SYNE1: variants seen among roughly 807,000 people sequenced by gnomAD.
The protein encoded by SYNE1 is spectrin repeat containing nuclear envelope protein 1, also known as nesprin-1.
SYNE1 carries 616 observed loss-of-function variants against 1,111.0 expected under a neutral mutation model. That is an observed-to-expected ratio of 0.55 (90% confidence interval 0.52 to 0.59). The LOEUF (loss-of-function observed/expected upper bound fraction) is 0.59, where lower values mean the gene tolerates loss of function less well. Among genes scored for constraint, SYNE1 ranks in the 20% least tolerant of loss-of-function variants. The probability of loss-of-function intolerance (pLI) is 0.00; values close to 1 mark genes in which losing one functional copy is unlikely to be tolerated. For synonymous variants in SYNE1, 3,855 were observed against 3,825.8 expected (o/e 1.01, Z -0.28); for missense variants, 10,006 against 10,417.0 (o/e 0.96, Z 1.72).
Position 152,219,065 on chromosome 6 carries a change from A to G in SYNE1, c.21982T>C (p.Ser7328Pro), listed in dbSNP as rs2079442814. The G allele has an allele frequency of 6.2e-7, 1 of 1,614,042 alleles. No homozygotes were observed. Among genetic ancestry groups the G allele is most frequent in the Non-Finnish European group, 8.5e-7 (1 of 1,180,024 alleles). The change falls in exon 120 of 146, where the codon TCT becomes CCT. Residue 7328 changes from serine (S) to proline (P), a missense_variant. This residue lies in a region of SYNE1 where 2,182 missense variants were observed against 2,287.8 expected (regional missense o/e 0.95). Coordinates refer to ENST00000367255, the MANE Select transcript of SYNE1 (RefSeq NM_182961.4). ...AGGGCACACAAGTGTTGACTCAAAGAGAGTTGATCCGATTGAATAGCTGAT... is the reference window on the plus strand; with the variant it reads ...AGGGCACACAAGTGTTGACTCAAAGGGAGTTGATCCGATTGAATAGCTGAT... The part of the protein sequence containing the change: ...AASAIQSDQL[S>P]LSQHLCALEQ...
In SYNE1 at chr6:152,454,879, T is replaced by C. The variant is rs1430277989; in HGVS notation, c.2892+547A>G. Among the ~76,000 whole-genome samples the C allele has an allele frequency of 2.0e-5, 3 of 152,200 alleles. No individual in the cohort carries two copies. The East Asian group carries it at 5.8e-4, about 29-fold the overall frequency. Reference sequence around the variant, plus strand: ...ACTCAAATACATGTTCTCAGAGTGCTGGTTATTTCCATATACCATTCATGA... The same window carrying C: ...ACTCAAATACATGTTCTCAGAGTGCCGGTTATTTCCATATACCATTCATGA... On this transcript the variant is annotated intron_variant, in intron 24 of 145. Transcript: ENST00000367255.
intron 72 of SYNE1, 85 bp from the exon 73 acceptor site, chr6:152,347,320 T>A (rs1321918300): frequency 1.4e-6 from 2 of 1,449,456 alleles, no homozygotes; most frequent in Non-Finnish European, 9.5e-7. Flanking sequence ...ATTATTTCAC[T>A]GTTTAATATT....
chr6:152,523,823 A>T (rs545470857), intron 5 of SYNE1, among the ~76,000 whole-genome samples: 1 of 152,086 alleles, frequency 6.6e-6, no homozygotes, highest in Non-Finnish European at 1.5e-5. Flanking sequence ...AAGGAATTGA[A>T]TTACTGATAC....
intron 14 of SYNE1, among the ~76,000 whole-genome samples, 194 bp downstream of exon 14, chr6:152,482,891 C>G (rs1230063591): frequency 1.3e-5 from 2 of 152,162 alleles, no homozygotes; most frequent in African/African-American, 4.8e-5. Flanking sequence ...CTCAGGAAGT[C>G]AACCCACTGG....
chr6:152,459,436 C>T (rs989608180), intron 21 of SYNE1, among the ~76,000 whole-genome samples: 15 of 152,166 alleles, frequency 9.9e-5, no homozygotes, highest in African/African-American at 3.6e-4. Context: ...CCTGTGCTTT[C>T]CTGCCTCCCA....
chr6:152,236,886 G>A lies in SYNE1; in HGVS notation c.20130C>T (p.Ser6710=). 3 of 1,614,140 alleles carry A rather than the reference G, an allele frequency of 1.9e-6. No individual in the cohort carries two copies. Among genetic ancestry groups the A allele is most frequent in the Non-Finnish European group, 2.5e-6 (3 of 1,180,018 alleles). ...ELSRQLEVVE[S]SIPSVGLVEE... ...CCACCAGACCCACGCTTGGGATGCT[G>A]CTTTCCACCACCTCCAGCTGTCTGC... The change falls in exon 109 of 146, where the codon AGC becomes AGT. Residue 6710 remains serine, a synonymous_variant. Transcript: ENST00000367255.
chr6:152,151,990 T>C lies in SYNE1; in HGVS notation c.24281A>G (p.Lys8094Arg). The change falls in exon 134 of 146, where the codon AAG (lysine) becomes AGG (arginine). Residue 8094 changes from lysine to arginine, a missense_variant. Lys to Arg is a conservative substitution (Grantham distance 26). This residue lies in a region of SYNE1 where 2,182 missense variants were observed against 2,287.8 expected (regional missense o/e 0.95). Transcript: ENST00000367255. ...EGNQRWDNLQ[K>R]RVTSILRRLK... Reference sequence around the variant, plus strand: ...TCTGCGCAAGATGGAGGTGACACGCTTTTGCAGGTTGTCCCATCTCTGGTT... The same window carrying C: ...TCTGCGCAAGATGGAGGTGACACGCCTTTGCAGGTTGTCCCATCTCTGGTT... 1 of 1,614,156 alleles carries C rather than the reference T, an allele frequency of 6.2e-7. No individual in the cohort carries two copies. Among genetic ancestry groups the C allele is most frequent in the East Asian group, 2.2e-5 (1 of 44,872 alleles).
At chr6:152,201,974 G>A in intron 126 of SYNE1, 25 bp from the exon 127 acceptor site, 5 of 1,612,748 alleles carry the variant, frequency 3.1e-6, no homozygotes, top group Non-Finnish European at 4.2e-6. Context: ...AAAACAAATA[G>A]CATAGATGTT....
chr6:152,165,649 T>C (rs1023457522), intron 130 of SYNE1, among the ~76,000 whole-genome samples: 2 of 152,222 alleles, frequency 1.3e-5, no homozygotes, highest in South Asian at 4.1e-4. Context: ...TATTGTGACT[T>C]ACAATTCCAC....
intron 97 of SYNE1, among the ~76,000 whole-genome samples, chr6:152,279,407 A>C (rs1340689891): frequency 6.6e-6 from 1 of 152,040 alleles, no homozygotes; most frequent in Non-Finnish European, 1.5e-5. Flanking sequence ...TTCCCTATAC[A>C]AAATCAAAAT....
chr6:152,216,385 T>C (rs1364345094), intron 121 of SYNE1, among the ~76,000 whole-genome samples: 1 of 152,146 alleles, frequency 6.6e-6, no homozygotes, highest in African/African-American at 2.4e-5. Flanking sequence ...AAAACAATAG[T>C]GTGCTATGAA....
At chr6:152,202,935 A>G (rs2075810911) in intron 126 of SYNE1, among the ~76,000 whole-genome samples, 1 of 152,242 alleles carries the variant, frequency 6.6e-6, no homozygotes, top group African/African-American at 2.4e-5. Flanking sequence ...ATGTAGAAGA[A>G]GAGAGATAAT....
intron 75 of SYNE1, among the ~76,000 whole-genome samples, chr6:152,339,008 C>T (rs1001595781): frequency 2.6e-5 from 4 of 152,086 alleles, no homozygotes; most frequent in East Asian, 1.9e-4. Flanking sequence ...TAATGGGCAG[C>T]GAATGAATGG....
chr6:152,350,831 C>T (rs2096729324), intron 70 of SYNE1, 61 bp from the exon 71 acceptor site: 2 of 1,596,302 alleles, frequency 1.3e-6, no homozygotes, highest in Admixed American at 1.7e-5. Context: ...TGAATACATA[C>T]ATATTCCCAT....
intron 93 of SYNE1, 129 bp from the exon 94 acceptor site, chr6:152,294,256 T>G: frequency 2.3e-6 from 2 of 852,148 alleles, no homozygotes; most frequent in Admixed American, 2.2e-5. Context: ...TACAAACTAG[T>G]AAATTAGTAA....
At chr6:152,168,428 T>C (rs902590785) in intron 130 of SYNE1, 11 of 525,966 alleles carry the variant, frequency 2.1e-5, no homozygotes, top group African/African-American at 1.9e-4. Context: ...TCCTGGAATG[T>C]AGGCCACGAG....
chr6:152,281,937 G>T lies in SYNE1; in HGVS notation c.18251C>A (p.Ala6084Asp). The change falls in exon 97 of 146, where the codon GCC becomes GAC. Residue 6084 changes from alanine to aspartate, a missense_variant. By Grantham distance (126) the Ala-to-Asp change is moderately radical. This residue lies in a region of SYNE1 where 99 missense variants were observed against 147.8 expected (regional missense o/e 0.67). Transcript: ENST00000367255. ...DQLEEQRQEQ[A>D]LQRYRCEADE... ...GGCTTCACAGCGATACCTCTGCAGGGCCTGTTCCTGCCTTTGTTCCTCCAG... is the reference window on the plus strand; with the variant it reads ...GGCTTCACAGCGATACCTCTGCAGGTCCTGTTCCTGCCTTTGTTCCTCCAG... 6.2e-7 allele frequency: 1 copy of T among 1,614,090 alleles called. No individual in the cohort carries two copies. Among genetic ancestry groups the T allele is most frequent in the South Asian group, 1.1e-5 (1 of 91,078 alleles).
At chr6:152,518,305 C>A (rs2099122539) in intron 6 of SYNE1, among the ~76,000 whole-genome samples, 1 of 151,430 alleles carries the variant, frequency 6.6e-6, no homozygotes, top group Non-Finnish European at 1.5e-5. Context: ...TGAAAGTGAA[C>A]CCTGGTGGGA....
intron 137 of SYNE1, chr6:152,145,454 G>A: frequency 6.2e-7 from 1 of 1,603,160 alleles, no homozygotes; most frequent in South Asian, 1.1e-5. Context: ...TACAGGGGAG[G>A]GAGGGAGGCT....
Sources: gnomAD v4.1 joint callset for allele counts (sites outside exome capture counted in the v4.1 genomes callset) on GRCh38, gnomAD v4.1.1 for gene constraint, gnomAD v4.1.1 regional missense constraint, MANE v1.5 for transcripts, NCBI Gene and HGNC (gene_info 2026-07-23, HGNC 2026-07-21) for gene names.